Variants in ZNF626 observed in about 807,000 individuals in gnomAD.
The protein encoded by ZNF626 is CTC-513N18.7.
Under a neutral mutation model 11.7 loss-of-function variants are expected in ZNF626, and 4 were observed. The observed-to-expected ratio is 0.34, with a 90% CI of 0.17 to 0.78. The LOEUF is 0.78. Ranked by LOEUF, ZNF626 falls within the 30% of genes least tolerant of loss-of-function variation. The probability of loss-of-function intolerance (pLI) is 0.57; values close to 1 mark genes in which losing one functional copy is unlikely to be tolerated. For synonymous variants in ZNF626, 179 were observed against 198.6 expected (o/e 0.90, Z 0.83); for missense variants, 588 against 587.1 (o/e 1.00, Z -0.01).
intron 3 of ZNF626, among the ~76,000 whole-genome samples, chr19:20,633,054 A>G (rs1204105830): frequency 1.3e-5 from 2 of 152,172 alleles, no homozygotes; most frequent in African/African-American, 2.4e-5. Flanking sequence ...GGTCCACTCC[A>G]GACACTGTTT....
At chr19:20,641,618 C>CAGGGTT (rs1568459111) in intron 3 of ZNF626, among the ~76,000 whole-genome samples, 2 of 151,654 alleles carry the variant, frequency 1.3e-5, no homozygotes, top group Non-Finnish European at 2.9e-5. Context: ...GAGACAGGGT[C>CAGGGTT]TCACTCTGTC....
At chr19:20,636,458 C>CA (rs564333336) in intron 3 of ZNF626, among the ~76,000 whole-genome samples, 108 of 149,962 alleles carry the variant, frequency 7.2e-4, no homozygotes, top group African/African-American at 2.6e-3. Context: ...TATTAAATTA[C>CA]AAAAAAATTA....
rs60283787 is a variant in ZNF626, at chr19:20,638,425, CTAAA to C, written c.226+7255_226+7258del. 1.1e-3 allele frequency among the ~76,000 whole-genome samples: 158 copies of C among 141,122 alleles called. 1 individual carries two copies. The highest frequency in any genetic ancestry group is 3.5e-3 in the Middle Eastern group (1 of 282). 92.6% of individuals were successfully genotyped at this position (141,122 alleles called of 152,430 possible). ...GGGCAACAAGAGCAAAACTGCATGTCTAAATAAATAAATAAATAAATAAATAAAT... is the reference window on the plus strand; with the variant it reads ...GGGCAACAAGAGCAAAACTGCATGTCTAAATAAATAAATAAATAAATAAAT... On this transcript the variant is annotated intron_variant, in intron 3 of 3. Transcript: ENST00000601440.
At position 20,625,500 on chromosome 19, in the gene ZNF626, T is replaced by G. The variant is rs974616245; in HGVS notation, c.377A>C (p.His126Pro). The change falls in exon 4 of 4, where the codon CAC (histidine) becomes CCC (proline). Residue 126 changes from histidine (H) to proline (P), a missense_variant. By Grantham distance (77) the His-to-Pro change is moderately conservative. This residue lies in a region of ZNF626 where 524 missense variants were observed against 470.1 expected (regional missense o/e 1.11). Coordinates refer to ENST00000601440, the MANE Select transcript of ZNF626 (RefSeq NM_001076675.3). ...GTTAAGTTCATTATAACCTTCTTTGTGCACCTTACACTCATCCACACTTAT... is the reference window on the plus strand; with the variant it reads ...GTTAAGTTCATTATAACCTTCTTTGGGCACCTTACACTCATCCACACTTAT... Reference protein sequence around the residue: ...GCISVDECKVHKEGYNELNQC... With the variant: ...GCISVDECKVPKEGYNELNQC... The G allele has an allele frequency of 3.7e-6, 6 of 1,614,078 alleles. No individual in the cohort carries two copies. Among genetic ancestry groups the G allele is most frequent in the Non-Finnish European group, 5.1e-6 (6 of 1,179,988 alleles).
intron 1 of ZNF626, among the ~76,000 whole-genome samples, chr19:20,659,386 GCCA>G (rs1426827208): frequency 2.6e-5 from 4 of 152,018 alleles, no homozygotes; most frequent in East Asian, 1.9e-4. Flanking sequence ...ATTACAGGTG[GCCA>G]CCACAACTAC....
intron 1 of ZNF626, among the ~76,000 whole-genome samples, chr19:20,647,556 G>A (rs1599484233): frequency 7.0e-6 from 1 of 142,368 alleles, no homozygotes; most frequent in Non-Finnish European, 1.5e-5. Flanking sequence ...GCGCAGTCTC[G>A]GCTCACTGCA....
At chr19:20,626,748 C>T (rs550764448) in intron 3 of ZNF626, among the ~76,000 whole-genome samples, 10 of 152,134 alleles carry the variant, frequency 6.6e-5, no homozygotes, top group South Asian at 6.2e-4. Context: ...GGCGCAATGG[C>T]TCATGCCTGT....
chr19:20,644,053 G>A (rs142841704), intron 3 of ZNF626, among the ~76,000 whole-genome samples: 1 of 152,300 alleles, frequency 6.6e-6, no homozygotes, highest in Non-Finnish European at 1.5e-5. Context: ...CCAGAGTCTG[G>A]CAGAGGTCCT....
chr19:20,631,487 A>G lies in ZNF626; in HGVS notation c.227-5837T>C, dbSNP rs1464612820. Among the ~76,000 whole-genome samples, 37 of 151,782 alleles carry G rather than the reference A, an allele frequency of 2.4e-4. No individual in the cohort carries two copies. The South Asian group carries it at 5.0e-3, about 21-fold the overall frequency. On this transcript the variant is annotated intron_variant, in intron 3 of 3. Transcript: ENST00000601440. The stretch of plus-strand genomic sequence containing the variant: ...GGGTGCTCCTGTATTGGGTGCATAT[A>G]TATTTAGGATAGTTAGCTCTTCTTG...
rs1188607646 is a variant in ZNF626 at position 20,625,391 on chromosome 19, T to A, written c.486A>T (p.Gly162=). The A allele has an allele frequency of 1.2e-6, 2 of 1,614,018 alleles. No individual in the cohort carries two copies. Among genetic ancestry groups the A allele is most frequent in the Non-Finnish European group, 1.7e-6 (2 of 1,180,034 alleles). Residue 162 remains glycine (G), a synonymous_variant, in exon 4 of 4, where the codon GGA becomes GGT. Coordinates refer to ENST00000601440, the MANE Select transcript of ZNF626 (RefSeq NM_001076675.3). ...TTTTCCCAGTATGTCCTCTCTTTTG[T>A]CCGTTTGAATTTGGAAATTGATGAA... ...KVLHQFPNSN[G]QKRGHTGKKP...
intron 1 of ZNF626, among the ~76,000 whole-genome samples, chr19:20,649,827 GC>G (rs1555772362): frequency 2.0e-5 from 3 of 149,354 alleles, no homozygotes; most frequent in Non-Finnish European, 4.5e-5. Context: ...TGCTCCCCCC[GC>G]CCCTTGGCGC....
intron 3 of ZNF626, among the ~76,000 whole-genome samples, chr19:20,637,894 C>T (rs1363133888): frequency 1.3e-5 from 2 of 152,118 alleles, no homozygotes; most frequent in Non-Finnish European, 2.9e-5. Flanking sequence ...AATCTTAGGA[C>T]TTTGGAAGGC....
At chr19:20,641,468 G>A (rs1555771448) in intron 3 of ZNF626, among the ~76,000 whole-genome samples, 1 of 152,114 alleles carries the variant, frequency 6.6e-6, no homozygotes, top group South Asian at 2.1e-4. Flanking sequence ...TCTGTCAAGG[G>A]CTGGAGAGAG....
At chr19:20,630,982 C>T (rs1969898055) in intron 3 of ZNF626, among the ~76,000 whole-genome samples, 4 of 151,790 alleles carry the variant, frequency 2.6e-5, no homozygotes, top group Admixed American at 2.6e-4. Flanking sequence ...TGTCTTTGTT[C>T]TCGTTGGTTT....
intron 3 of ZNF626, among the ~76,000 whole-genome samples, chr19:20,629,567 GA>G (rs1969879627): frequency 6.6e-6 from 1 of 152,188 alleles, no homozygotes; most frequent in Non-Finnish European, 1.5e-5. Flanking sequence ...GTTTACTCAT[GA>G]TTTGGCTCTC....
chr19:20,631,287 G>A (rs1165233366), intron 3 of ZNF626, among the ~76,000 whole-genome samples: 1 of 151,940 alleles, frequency 6.6e-6, no homozygotes, highest in Non-Finnish European at 1.5e-5. Flanking sequence ...ATGTCTATTA[G>A]GTCCTCTTGG....
intron 1 of ZNF626, among the ~76,000 whole-genome samples, chr19:20,658,060 T>C (rs1555773304): frequency 6.6e-6 from 1 of 151,370 alleles, no homozygotes; most frequent in Non-Finnish European, 1.5e-5. Flanking sequence ...TAATTTTAGT[T>C]GTATAACAAA....
chr19:20,626,448 G>T (rs1555769713), intron 3 of ZNF626, among the ~76,000 whole-genome samples: 4 of 152,212 alleles, frequency 2.6e-5, no homozygotes. Context: ...GTCAAGCTTA[G>T]TGGCTCATTC....
intron 3 of ZNF626, among the ~76,000 whole-genome samples, chr19:20,638,956 G>A (rs900746848): frequency 1.1e-4 from 16 of 152,120 alleles, no homozygotes; most frequent in African/African-American, 3.4e-4. Context: ...TTGAGAGTAC[G>A]TTATTTATAA....
Sources: allele counts gnomAD v4.1 joint callset (sites outside exome capture counted in the v4.1 genomes callset), GRCh38; gene constraint gnomAD v4.1.1; regional missense constraint gnomAD v4.1.1; transcripts MANE v1.5; gene names NCBI Gene and HGNC (gene_info 2026-07-23, HGNC 2026-07-21).